PLEK2: variants seen among roughly 807,000 people sequenced by gnomAD.
PLEK2 encodes the protein pleckstrin 2.
Under a neutral mutation model 43.8 loss-of-function variants are expected in PLEK2, and 29 were observed. The ratio of observed to expected loss-of-function variants is 0.66; its 90% CI spans 0.49 to 0.90. PLEK2 has a LOEUF of 0.90. Ranked by LOEUF, PLEK2 falls within the 40% of genes least tolerant of loss-of-function variation. PLEK2 has a pLI of 0.00. For missense variants in PLEK2, 398 were observed against 448.1 expected (o/e 0.89, Z 1.01); for synonymous variants, 162 against 173.2 (o/e 0.94, Z 0.51).
At chr14:67,411,938 C>T in intron 1 of PLEK2, 80 bp downstream of exon 1, 1 of 1,296,296 alleles carries the variant, frequency 7.7e-7, no homozygotes, top group Non-Finnish European at 1.1e-6. Context: ...CGTTCCGGGG[C>T]GCGCGTCTGG....
intron 8 of PLEK2, 135 bp downstream of exon 8, chr14:67,388,088 CA>C (rs2085939689): frequency 5.0e-6 from 3 of 602,864 alleles, no homozygotes; most frequent in Non-Finnish European, 6.0e-6. Context: ...AAATTCACTT[CA>C]AAACTCACAC....
rs1566624511 is a variant in PLEK2, at chr14:67,392,761, C to T, written c.570G>A (p.Glu190=). 6.2e-7 allele frequency: 1 copy of T among 1,613,914 alleles called. No individual in the cohort carries two copies. The highest frequency in any genetic ancestry group is 1.1e-5 in the South Asian group (1 of 91,062). Residue 190 remains glutamate (E), a synonymous_variant, in exon 5 of 9, where the codon GAG becomes GAA. Transcript: ENST00000216446. ...AVTLASMLME[E]NFLRPVGVRS... is the part of the protein sequence containing the mutation. ...GGACACCCACAGGCCTGAGGAAGTT[C>T]TCCTCCATGAGCATGGAGGCCAGGG...
In PLEK2 at chr14:67,397,763, A is replaced by G; in HGVS notation, c.106T>C (p.Tyr36His). Reference sequence around the variant, plus strand: ...ACTCTCCGACCCCCCTCAAGCTTGTAGTACACCAGCGTGTTCTGCCGAAGG... The same window carrying G: ...ACTCTCCGACCCCCCTCAAGCTTGTGGTACACCAGCGTGTTCTGCCGAAGG... Reference protein sequence around the residue: ...FILRQNTLVYYKLEGGRRVTP... With the variant: ...FILRQNTLVYHKLEGGRRVTP... Residue 36 changes from tyrosine to histidine, a missense_variant, in exon 2 of 9, where the codon TAC (tyrosine) becomes CAC (histidine). Coordinates refer to ENST00000216446, the MANE Select transcript of PLEK2 (RefSeq NM_016445.3). 1 of 1,613,488 alleles carries G rather than the reference A, an allele frequency of 6.2e-7. No homozygotes were observed. The highest frequency in any genetic ancestry group is 2.2e-5 in the East Asian group (1 of 44,874).
intron 3 of PLEK2, among the ~76,000 whole-genome samples, chr14:67,393,686 T>C (rs2085986132): frequency 6.6e-6 from 1 of 152,132 alleles, no homozygotes. Flanking sequence ...ACTCCTGACC[T>C]CAAGTGATCC....
intron 1 of PLEK2, among the ~76,000 whole-genome samples, chr14:67,401,543 AGAG>A (rs1209765380): frequency 6.6e-6 from 1 of 151,958 alleles, no homozygotes. Flanking sequence ...TTTAAAAAGA[AGAG>A]GAGATTTGGA....
At chr14:67,399,413 C>G (rs1305591705) in intron 1 of PLEK2, among the ~76,000 whole-genome samples, 1 of 144,396 alleles carries the variant, frequency 6.9e-6, no homozygotes, top group African/African-American at 2.6e-5. Flanking sequence ...TCTCAGGTGG[C>G]AGGAATAAAG....
rs2085979373 is a variant in PLEK2, at chr14:67,392,835, C to G, written c.496G>C (p.Asp166His). 8.7e-6 allele frequency: 14 copies of G among 1,611,432 alleles called. No homozygotes were observed. Among genetic ancestry groups the G allele is most frequent in the Non-Finnish European group, 1.2e-5 (14 of 1,178,204 alleles). Reference protein sequence around the residue: ...KKTFLGSSLVDWLISNSFTAS... With the variant: ...KKTFLGSSLVHWLISNSFTAS... ...GTGAAGCTGTTGGAGATGAGCCAGT[C>G]CACCAGGGAGGAGCCTGGCCAAGGG... Residue 166 changes from aspartate (D) to histidine (H), a missense_variant, in exon 5 of 9, where the codon GAC (aspartate) becomes CAC (histidine). Asp to His is a moderately conservative substitution (Grantham distance 81, BLOSUM62 -1). Transcript: ENST00000216446.
intron 3 of PLEK2, among the ~76,000 whole-genome samples, chr14:67,393,979 T>C (rs2085988617): frequency 6.6e-6 from 1 of 152,110 alleles, no homozygotes; most frequent in Admixed American, 6.5e-5. Flanking sequence ...TCACTTCTGT[T>C]TGTAAGTCCC....
At chr14:67,404,125 T>A (rs897381897) in intron 1 of PLEK2, among the ~76,000 whole-genome samples, 6 of 152,044 alleles carry the variant, frequency 3.9e-5, no homozygotes, top group Non-Finnish European at 7.4e-5. Context: ...ACACTGCTTA[T>A]AATAATGAAA....
intron 2 of PLEK2, 145 bp downstream of exon 2, chr14:67,397,517 G>A (rs1435732880): frequency 9.4e-6 from 6 of 635,308 alleles, no homozygotes; most frequent in African/African-American, 1.8e-5. Context: ...CACATACCTG[G>A]TATGTGGCGG....
chr14:67,389,779 T>G (rs2085953893), intron 7 of PLEK2, among the ~76,000 whole-genome samples: 1 of 151,860 alleles, frequency 6.6e-6, no homozygotes, highest in Non-Finnish European at 1.5e-5. Context: ...TTTTTTCTTT[T>G]TTTTTTTTTT....
At chr14:67,409,261 CA>C (rs1566632908) in intron 1 of PLEK2, among the ~76,000 whole-genome samples, 1 of 150,364 alleles carries the variant, frequency 6.7e-6, no homozygotes. Flanking sequence ...AAATAAGTAA[CA>C]GGGGGGTGTG....
At chr14:67,393,826 T>C (rs990492338) in intron 3 of PLEK2, among the ~76,000 whole-genome samples, 3 of 152,120 alleles carry the variant, frequency 2.0e-5, no homozygotes, top group Admixed American at 6.6e-5. Flanking sequence ...AAGATGTTTA[T>C]CTAACCTCCC....
At chr14:67,389,841 T>C (rs1396087225) in intron 7 of PLEK2, among the ~76,000 whole-genome samples, 2 of 151,926 alleles carry the variant, frequency 1.3e-5, no homozygotes, top group East Asian at 1.9e-4. Context: ...GGATTTGAGG[T>C]AGCCAGAAAG....
chr14:67,394,444 G>A lies in PLEK2; in HGVS notation c.389+958C>T, dbSNP rs1487298612. 4.6e-5 allele frequency among the ~76,000 whole-genome samples: 7 copies of A among 152,064 alleles called. No individual in the cohort carries two copies. The East Asian group carries it at 1.3e-3, about 29-fold the overall frequency. Reference sequence around the variant, plus strand: ...CCAAGAGTGCACAGTAGCCCACATGGTTCTCTGTGATCCCCTGCATTAAGT... The same window carrying A: ...CCAAGAGTGCACAGTAGCCCACATGATTCTCTGTGATCCCCTGCATTAAGT... On this transcript the variant is annotated intron_variant, in intron 3 of 8. Coordinates refer to ENST00000216446, the MANE Select transcript of PLEK2 (RefSeq NM_016445.3).
At chr14:67,392,195 C>G (rs1461922069) in intron 6 of PLEK2, 131 bp downstream of exon 6, 6 of 680,926 alleles carry the variant, frequency 8.8e-6, no homozygotes, top group Non-Finnish European at 1.6e-5. Context: ...GTGCTGGGCT[C>G]TTGCTTTCGT....
Position 67,388,233 on chromosome 14 carries a change from C to G in PLEK2, c.925G>C (p.Val309Leu), listed in dbSNP as rs146989539. The G allele has an allele frequency of 6.2e-7, 1 of 1,610,792 alleles. No individual in the cohort carries two copies. Among genetic ancestry groups the G allele is most frequent in the Non-Finnish European group, 8.5e-7 (1 of 1,177,244 alleles). ...TGAAGTTGTACCTTACCAGTGGGAA[C>G]GCCATTATCTTCCAGAGCAGACACG... The part of the protein sequence containing the change: ...SLVSALEDNG[V>L]PTGVKGNVQG... The change falls in exon 8 of 9, where the codon GTT (valine) becomes CTT (leucine). Residue 309 changes from valine (V) to leucine (L), a missense_variant. Coordinates refer to ENST00000216446, the MANE Select transcript of PLEK2 (RefSeq NM_016445.3).
At chr14:67,390,142 T>C (rs2085955986) in intron 7 of PLEK2, among the ~76,000 whole-genome samples, 2 of 152,260 alleles carry the variant, frequency 1.3e-5, no homozygotes, top group African/African-American at 4.8e-5. Flanking sequence ...TGGTAATACC[T>C]AGTATCAGAA....
chr14:67,397,870 A>T (rs1365806832), intron 1 of PLEK2, 44 bp from the exon 2 acceptor site: 1 of 1,542,474 alleles, frequency 6.5e-7, no homozygotes, highest in East Asian at 2.3e-5. Flanking sequence ...GGTCAGTGGG[A>T]GGGTATGGTG....
Sources: gnomAD v4.1 joint callset for allele counts (sites outside exome capture counted in the v4.1 genomes callset) on GRCh38, gnomAD v4.1.1 for gene constraint, MANE v1.5 for transcripts, NCBI Gene and HGNC (gene_info 2026-07-23, HGNC 2026-07-21) for gene names.